PTPRD: variants seen among roughly 807,000 people sequenced by gnomAD.
The protein encoded by PTPRD is protein tyrosine phosphatase receptor type D.
PTPRD carries 34 observed loss-of-function variants against 214.5 expected under a neutral mutation model. The observed-to-expected ratio is 0.16, with a 90% confidence interval of 0.12 to 0.21. PTPRD has a LOEUF of 0.21. Among genes scored for constraint, PTPRD ranks in the 10% least tolerant of loss-of-function variants. The pLI is 1.00. For missense variants in PTPRD, 2,545 were observed against 2,398.7 expected (o/e 1.06, Z -1.27); for synonymous variants, 1,128 against 845.7 (o/e 1.33, Z -5.79).
chr9:9,014,892 A>T (rs1002789330), intron 11 of PTPRD, among the ~76,000 whole-genome samples: 7 of 152,116 alleles, frequency 4.6e-5, no homozygotes, highest in Non-Finnish European at 2.9e-5. Context: ...TACAATATTT[A>T]TTTCATTGAA....
intron 11 of PTPRD, among the ~76,000 whole-genome samples, chr9:8,896,788 A>G (rs554703051): frequency 6.6e-6 from 1 of 152,298 alleles, no homozygotes; most frequent in South Asian, 2.1e-4. Context: ...ACAGGCACAT[A>G]AAACATTCCC....
At chr9:8,833,687 C>CTT (rs1555404395) in intron 11 of PTPRD, among the ~76,000 whole-genome samples, 1 of 124,928 alleles carries the variant, frequency 8.0e-6, no homozygotes, top group African/African-American at 3.2e-5. Flanking sequence ...AAAACTCTCT[C>CTT]CTCTCTCTCT....
At chr9:10,599,602 T>G (rs77729891) in intron 2 of PTPRD, among the ~76,000 whole-genome samples, 4,739 of 151,818 alleles carry the variant, frequency 0.031, 136 homozygotes, top group East Asian at 0.086. Context: ...GAACCACTGT[T>G]TGCCAGGACA....
intron 10 of PTPRD, among the ~76,000 whole-genome samples, chr9:9,179,719 A>G (rs2099927043): frequency 6.6e-6 from 1 of 152,108 alleles, no homozygotes; most frequent in South Asian, 2.1e-4. Context: ...TTCTTTTGCC[A>G]TCTAGTTAGA....
chr9:9,765,537 G>C (rs2252236), intron 6 of PTPRD, among the ~76,000 whole-genome samples: 26,359 of 152,192 alleles, frequency 0.17, 3,484 homozygotes, highest in East Asian at 0.38. Context: ...GATAGCTGAT[G>C]TAGAGAAGTT....
intron 5 of PTPRD, among the ~76,000 whole-genome samples, chr9:9,918,943 G>A (rs192344187): frequency 2.0e-4 from 30 of 152,042 alleles, no homozygotes; most frequent in African/African-American, 7.0e-4. Context: ...TCAGAAAAAT[G>A]GCATATAGTT....
chr9:9,717,332 G>C (rs187111653), intron 7 of PTPRD, among the ~76,000 whole-genome samples: 1 of 152,070 alleles, frequency 6.6e-6, no homozygotes, highest in African/African-American at 2.4e-5. Flanking sequence ...TTGGTAATGC[G>C]GGCTCTTTTT....
chr9:10,080,541 C>T (rs2098219567), intron 3 of PTPRD, among the ~76,000 whole-genome samples: 1 of 151,958 alleles, frequency 6.6e-6, no homozygotes, highest in African/African-American at 2.4e-5. Context: ...AACTCCTAGC[C>T]CTGGCCTCGC....
chr9:8,868,461 C>T (rs2098237768), intron 11 of PTPRD, among the ~76,000 whole-genome samples: 1 of 152,092 alleles, frequency 6.6e-6, no homozygotes, highest in Non-Finnish European at 1.5e-5. Context: ...GCCTTGGCCT[C>T]CCAAAGTGCT....
At chr9:8,574,315 T>G (rs1361889986) in intron 14 of PTPRD, among the ~76,000 whole-genome samples, 2 of 152,058 alleles carry the variant, frequency 1.3e-5, no homozygotes, top group African/African-American at 4.8e-5. Flanking sequence ...TATTTTAATT[T>G]AAACTATTCA....
At chr9:10,057,202 T>C (rs967383604) in intron 3 of PTPRD, among the ~76,000 whole-genome samples, 3 of 152,154 alleles carry the variant, frequency 2.0e-5, no homozygotes, top group Non-Finnish European at 2.9e-5. Flanking sequence ...ACAATATTTA[T>C]AAAGAATCTG....
At chr9:10,560,407 G>A (rs1309488332) in intron 2 of PTPRD, among the ~76,000 whole-genome samples, 1 of 151,820 alleles carries the variant, frequency 6.6e-6, no homozygotes, top group African/African-American at 2.4e-5. Context: ...GGGGACAGTT[G>A]TGGGGTGGGG....
chr9:8,901,357 AG>A, intron 11 of PTPRD, among the ~76,000 whole-genome samples: 1 of 152,358 alleles, frequency 6.6e-6, no homozygotes, highest in Non-Finnish European at 1.5e-5. Flanking sequence ...CAATTATGAC[AG>A]TGAACTATTT....
intron 3 of PTPRD, among the ~76,000 whole-genome samples, chr9:10,323,797 G>A (rs1189701869): frequency 6.6e-6 from 1 of 151,918 alleles, no homozygotes; most frequent in East Asian, 1.9e-4. Context: ...ATATTAATAA[G>A]TGTATTATTT....
chr9:10,506,299 C>T (rs2045944223), intron 2 of PTPRD, among the ~76,000 whole-genome samples: 2 of 152,182 alleles, frequency 1.3e-5, no homozygotes, highest in African/African-American at 4.8e-5. Flanking sequence ...TCCCCAAATT[C>T]TCCATATACA....
intron 10 of PTPRD, among the ~76,000 whole-genome samples, chr9:9,150,095 T>A (rs934578596): frequency 6.6e-6 from 1 of 152,204 alleles, no homozygotes; most frequent in African/African-American, 2.4e-5. Flanking sequence ...AAATTACAGA[T>A]CCAGAAAGCT....
intron 3 of PTPRD, among the ~76,000 whole-genome samples, chr9:10,042,129 A>T (rs189064331): frequency 1.6e-4 from 24 of 152,048 alleles, no homozygotes. Context: ...GCTTTTTTCC[A>T]GAGATTTAAA....
chr9:8,477,578 T>G (rs1312361015), intron 30 of PTPRD, among the ~76,000 whole-genome samples: 1 of 152,172 alleles, frequency 6.6e-6, no homozygotes, highest in Non-Finnish European at 1.5e-5. Flanking sequence ...GAAAAGTCCG[T>G]CTAGGAGTTT....
At chr9:8,536,277 G>C (rs751020174) in intron 14 of PTPRD, among the ~76,000 whole-genome samples, 26 of 151,956 alleles carry the variant, frequency 1.7e-4, no homozygotes, top group Non-Finnish European at 2.7e-4. Context: ...GACAACAAAA[G>C]AGTTTGAATA....
Sources: gnomAD v4.1 joint callset for allele counts (sites outside exome capture counted in the v4.1 genomes callset) on GRCh38, gnomAD v4.1.1 for gene constraint, MANE v1.5 for transcripts, NCBI Gene and HGNC (gene_info 2026-07-23, HGNC 2026-07-21) for gene names.